Variants in LRRC14 observed in about 807,000 individuals in gnomAD.
LRRC14 encodes leucine-rich repeat-containing protein 14.
In LRRC14, 16 loss-of-function variants were observed where a neutral mutation model predicts 25.3. The observed-to-expected ratio is 0.63, with a 90% CI of 0.43 to 0.96. LRRC14 has a LOEUF of 0.96. Ranked by LOEUF, LRRC14 falls within the 40% of genes least tolerant of loss-of-function variation. The pLI is 0.00. For synonymous variants in LRRC14, 359 were observed against 295.1 expected (o/e 1.22, Z -2.22); for missense variants, 594 against 660.5 (o/e 0.90, Z 1.10).
In LRRC14 at chr8:144,522,950, A is replaced by T; in HGVS notation, c.*1472A>T. 1 of 1,571,518 alleles carries T rather than the reference A, an allele frequency of 6.4e-7. No individual in the cohort carries two copies. Among genetic ancestry groups the T allele is most frequent in the Non-Finnish European group, 8.6e-7 (1 of 1,166,872 alleles). ...CGCGTTGACCAGGAGCCGGAAGGGC[A>T]CGCGGGCAGCGCCGCCGGCGTTGGA... On this transcript the variant is annotated 3_prime_UTR_variant, in exon 4 of 4. Coordinates refer to ENST00000292524, the MANE Select transcript of LRRC14 (RefSeq NM_014665.4).
rs1564823516 is a variant in LRRC14, at chr8:144,522,705, G to A, written c.*1227G>A. On this transcript the variant is annotated 3_prime_UTR_variant, in exon 4 of 4. Transcript: ENST00000292524. ...ACGAACAGCGCTCCCTCCCCCGGAGGCCCCCGCGCCTTTTTTCGCCTGCGG... is the reference window on the plus strand; with the variant it reads ...ACGAACAGCGCTCCCTCCCCCGGAGACCCCCGCGCCTTTTTTCGCCTGCGG... 3.8e-6 allele frequency: 6 copies of A among 1,595,918 alleles called. No individual in the cohort carries two copies. Among genetic ancestry groups the A allele is most frequent in the Non-Finnish European group, 5.1e-6 (6 of 1,172,490 alleles).
At position 144,524,132 on chromosome 8, in the gene LRRC14, A is replaced by ACTGAGCCC; in HGVS notation, c.*2657_*2658insAGCCCCTG. The ACTGAGCCC allele has an allele frequency of 6.2e-7, 1 of 1,604,068 alleles. No individual in the cohort carries two copies. The highest frequency in any genetic ancestry group is 1.1e-5 in the South Asian group (1 of 90,924). On this transcript the variant is annotated 3_prime_UTR_variant, in exon 4 of 4. Transcript: ENST00000292524. ...TACCTGTGAGGCGCAGGACTTGCAGACTGGCCAGGGGCTGCAGGGCCTCTC... is the reference window on the plus strand; with the variant it reads ...TACCTGTGAGGCGCAGGACTTGCAGACTGAGCCCCTGGCCAGGGGCTGCAGGGCCTCTC...
chr8:144,522,758 A>G lies in LRRC14; in HGVS notation c.*1280A>G. 1 of 1,579,560 alleles carries G rather than the reference A, an allele frequency of 6.3e-7. No homozygotes were observed. The highest frequency in any genetic ancestry group is 1.4e-5 in the African/African-American group (1 of 72,824). On this transcript the variant is annotated 3_prime_UTR_variant, in exon 4 of 4. Coordinates refer to ENST00000292524, the MANE Select transcript of LRRC14 (RefSeq NM_014665.4). ...CCGGCGACAGATCATGGCGACCAGGAGCAGCGCCGTGAGCGCCAGCAGCGC... is the reference window on the plus strand; with the variant it reads ...CCGGCGACAGATCATGGCGACCAGGGGCAGCGCCGTGAGCGCCAGCAGCGC...
chr8:144,524,794 C>CG lies in LRRC14; in HGVS notation c.*3317dup. The CG allele has an allele frequency of 6.9e-7, 1 of 1,439,916 alleles. No homozygotes were observed. The highest frequency in any genetic ancestry group is 9.1e-7 in the Non-Finnish European group (1 of 1,101,350). 89.2% of individuals were successfully genotyped at this position (1,439,916 alleles called of 1,614,324 possible). The stretch of plus-strand genomic sequence containing the variant: ...TCTCCCTGGGGGCACCCCGTCCTCC[C>CG]GCAGCTCCACACGGTGCCCACCTGC... On this transcript the variant is annotated 3_prime_UTR_variant, in exon 4 of 4. Transcript: ENST00000292524.
rs1816129392 is a variant in LRRC14, at chr8:144,522,379, A to G, written c.*901A>G. Reference sequence around the variant, plus strand: ...CCGGCTCGCGCCCCACACACGGCTCAGCGCACACTGCGCGGCTTCCACCTT... The same window carrying G: ...CCGGCTCGCGCCCCACACACGGCTCGGCGCACACTGCGCGGCTTCCACCTT... On this transcript the variant is annotated 3_prime_UTR_variant, in exon 4 of 4. Transcript: ENST00000292524. The G allele has an allele frequency of 2.2e-6, 3 of 1,358,576 alleles. No homozygotes were observed. The highest frequency in any genetic ancestry group is 3.9e-5 in the Admixed American group (1 of 25,554). 84.2% of individuals were successfully genotyped at this position (1,358,576 alleles called of 1,614,324 possible). A position where few individuals can be genotyped will look rare whatever the true frequency, so the allele number is the denominator to read the frequency against.
Position 144,522,421 on chromosome 8 carries a change from G to C in LRRC14, c.*943G>C. On this transcript the variant is annotated 3_prime_UTR_variant, in exon 4 of 4. Transcript: ENST00000292524. ...TTCCACCTTTACTGACGGAGCATGC[G>C]CGAGGCCGCACCGGCCAATCTCCGG... The C allele has an allele frequency of 1.5e-6, 2 of 1,376,748 alleles. No individual in the cohort carries two copies. Among genetic ancestry groups the C allele is most frequent in the South Asian group, 3.3e-5 (2 of 60,232 alleles). 85.3% of individuals were successfully genotyped at this position (1,376,748 alleles called of 1,614,324 possible).
rs1554908769 is a variant in LRRC14, at chr8:144,522,517, T to TCCCGG, written c.*1043_*1047dup. The TCCCGG allele has an allele frequency of 6.6e-7, 1 of 1,504,146 alleles. No homozygotes were observed. The highest frequency in any genetic ancestry group is 1.3e-5 in the South Asian group (1 of 79,182). The allele number at this position is 1,504,146 out of a possible 1,614,324, so 93.2% of individuals were successfully genotyped here. A position where few individuals can be genotyped will look rare whatever the true frequency, so the allele number is the denominator to read the frequency against. The stretch of plus-strand genomic sequence containing the variant: ...AGGCGACCGGCGGGGGCACGCGGAG[T>TCCCGG]CCCGGCCCCGCCCCCTGTTCCGGGC... On this transcript the variant is annotated 3_prime_UTR_variant, in exon 4 of 4. Coordinates refer to ENST00000292524, the MANE Select transcript of LRRC14 (RefSeq NM_014665.4).
In LRRC14 at chr8:144,522,381, C is replaced by T. The variant is rs1043482965; in HGVS notation, c.*903C>T. The T allele has an allele frequency of 2.2e-5, 30 of 1,360,388 alleles. No homozygotes were observed. The highest frequency in any genetic ancestry group is 3.9e-5 in the Admixed American group (1 of 25,650). 84.3% of individuals were successfully genotyped at this position (1,360,388 alleles called of 1,614,324 possible). On this transcript the variant is annotated 3_prime_UTR_variant, in exon 4 of 4. Transcript: ENST00000292524. ...GGCTCGCGCCCCACACACGGCTCAG[C>T]GCACACTGCGCGGCTTCCACCTTTA...
intron 1 of LRRC14, chr8:144,519,262 T>A (rs2620652): frequency 0.022 from 4,544 of 202,208 alleles, 198 homozygotes; most frequent in African/African-American, 0.093. Context: ...GCTTGACTCC[T>A]TAGAGTGTCC....
rs769683741 is a variant in LRRC14 at position 144,520,003 on chromosome 8, C to A, written c.278C>A (p.Thr93Asn). Residue 93 changes from threonine to asparagine, a missense_variant, in exon 2 of 4, where the codon ACT becomes AAT. Thr to Asn is a moderately conservative substitution (Grantham distance 65). Coordinates refer to ENST00000292524, the MANE Select transcript of LRRC14 (RefSeq NM_014665.4). The stretch of plus-strand genomic sequence containing the variant: ...ATGCAGGCTGTTATCCTGGGGCTGA[C>A]TGCCCGGCTCCACACCTCAGAGCCT... Reference protein sequence around the residue: ...ESMQAVILGLTARLHTSEPGA... With the variant: ...ESMQAVILGLNARLHTSEPGA... 6 of 1,611,372 alleles carry A rather than the reference C, an allele frequency of 3.7e-6. No homozygotes were observed. The highest frequency in any genetic ancestry group is 4.2e-6 in the Non-Finnish European group (5 of 1,179,926).
chr8:144,519,024 C>A (rs1157807614), intron 1 of LRRC14, among the ~76,000 whole-genome samples: 1 of 152,182 alleles, frequency 6.6e-6, no homozygotes. Flanking sequence ...TGCTTTCTTT[C>A]GGGGTCTCCG....
Position 144,523,645 on chromosome 8 carries a change from C to T in LRRC14, c.*2167C>T, listed in dbSNP as rs1055142630. The T allele has an allele frequency of 1.1e-5, 6 of 525,948 alleles. No individual in the cohort carries two copies. Among genetic ancestry groups the T allele is most frequent in the South Asian group, 5.1e-5 (1 of 19,532 alleles). 32.6% of individuals were successfully genotyped at this position (525,948 alleles called of 1,614,324 possible). A position where few individuals can be genotyped will look rare whatever the true frequency, so the allele number is the denominator to read the frequency against. ...TGCCTGCCTGTTACAGATCACTTCT[C>T]CGTCGGTCTCTGAGAAAGCACCTGC... On this transcript the variant is annotated 3_prime_UTR_variant, in exon 4 of 4. Coordinates refer to ENST00000292524, the MANE Select transcript of LRRC14 (RefSeq NM_014665.4).
At position 144,522,584 on chromosome 8, in the gene LRRC14, G is replaced by A. The variant is rs780147226; in HGVS notation, c.*1106G>A. ...CTCCGCCGGACCCTCGGCGAAGAGC[G>A]GCTTGGAGCGGTTGATGACGAACAT... On this transcript the variant is annotated 3_prime_UTR_variant, in exon 4 of 4. Coordinates refer to ENST00000292524, the MANE Select transcript of LRRC14 (RefSeq NM_014665.4). 10 of 1,558,192 alleles carry A rather than the reference G, an allele frequency of 6.4e-6. No individual in the cohort carries two copies. The East Asian group carries it at 1.5e-4, about 24-fold the overall frequency.
Position 144,524,210 on chromosome 8 carries a change from C to G in LRRC14, c.*2732C>G, listed in dbSNP as rs1385955345. The G allele has an allele frequency of 1.9e-6, 3 of 1,612,500 alleles. No homozygotes were observed. Among genetic ancestry groups the G allele is most frequent in the Non-Finnish European group, 2.5e-6 (3 of 1,179,906 alleles). Reference sequence around the variant, plus strand: ...TGAGGTCCAGCAGTGCTAGGGAGGACAGCCCCGCTAGAGCCTGGTCCTCCA... The same window carrying G: ...TGAGGTCCAGCAGTGCTAGGGAGGAGAGCCCCGCTAGAGCCTGGTCCTCCA... On this transcript the variant is annotated 3_prime_UTR_variant, in exon 4 of 4. Transcript: ENST00000292524.
In LRRC14 at chr8:144,524,476, C is replaced by G. The variant is rs1816274829; in HGVS notation, c.*2998C>G. On this transcript the variant is annotated 3_prime_UTR_variant, in exon 4 of 4. Transcript: ENST00000292524. The stretch of plus-strand genomic sequence containing the variant: ...AAGAAGGTGAAATCCAGCAGCCGCG[C>G]CAGCTGGTTGCCCGCCAGGTAGAGC... 1 of 1,597,846 alleles carries G rather than the reference C, an allele frequency of 6.3e-7. No individual in the cohort carries two copies. The highest frequency in any genetic ancestry group is 1.3e-5 in the African/African-American group (1 of 75,056).
Position 144,524,097 on chromosome 8 carries a change from G to C in LRRC14, c.*2619G>C, listed in dbSNP as rs747462589. ...CGTGGCCCAGACAGAGACGCTTTCC[G>C]AGGAAGAGGTACCTGTGAGGCGCAG... On this transcript the variant is annotated 3_prime_UTR_variant, in exon 4 of 4. Coordinates refer to ENST00000292524, the MANE Select transcript of LRRC14 (RefSeq NM_014665.4). 2 of 1,592,102 alleles carry C rather than the reference G, an allele frequency of 1.3e-6. No individual in the cohort carries two copies. Among genetic ancestry groups the C allele is most frequent in the East Asian group, 2.3e-5 (1 of 44,318 alleles).
At position 144,524,133 on chromosome 8, in the gene LRRC14, C is replaced by A; in HGVS notation, c.*2655C>A. On this transcript the variant is annotated 3_prime_UTR_variant, in exon 4 of 4. Transcript: ENST00000292524. Reference sequence around the variant, plus strand: ...ACCTGTGAGGCGCAGGACTTGCAGACTGGCCAGGGGCTGCAGGGCCTCTCG... The same window carrying A: ...ACCTGTGAGGCGCAGGACTTGCAGAATGGCCAGGGGCTGCAGGGCCTCTCG... 6.2e-7 allele frequency: 1 copy of A among 1,604,220 alleles called. No homozygotes were observed. The highest frequency in any genetic ancestry group is 8.5e-7 in the Non-Finnish European group (1 of 1,173,498).
Position 144,520,576 on chromosome 8 carries a change from G to A in LRRC14, c.668G>A (p.Arg223His), listed in dbSNP as rs1301648699. Residue 223 changes from arginine (R) to histidine (H), a missense_variant, in exon 3 of 4, where the codon CGC becomes CAC. By Grantham distance (29) the Arg-to-His change is conservative. Transcript: ENST00000292524. ...LLQLLDAGCL[R>H]RVDLRFNNLG... ...CAGCTTCTGGATGCAGGCTGCCTGC[G>A]CCGCGTGGACCTGCGCTTCAACAAT... 7 of 1,600,228 alleles carry A rather than the reference G, an allele frequency of 4.4e-6. No homozygotes were observed. Among genetic ancestry groups the A allele is most frequent in the African/African-American group, 1.3e-5 (1 of 74,910 alleles).
At position 144,524,149 on chromosome 8, in the gene LRRC14, G is replaced by A; in HGVS notation, c.*2671G>A. ...ACTTGCAGACTGGCCAGGGGCTGCA[G>A]GGCCTCTCGGCTGATGGTGCCCAGC... On this transcript the variant is annotated 3_prime_UTR_variant, in exon 4 of 4. Transcript: ENST00000292524. 1 of 1,608,720 alleles carries A rather than the reference G, an allele frequency of 6.2e-7. No individual in the cohort carries two copies. The highest frequency in any genetic ancestry group is 8.5e-7 in the Non-Finnish European group (1 of 1,176,974).
Sources: gnomAD v4.1 joint callset for allele counts (sites outside exome capture counted in the v4.1 genomes callset) on GRCh38, gnomAD v4.1.1 for gene constraint, MANE v1.5 for transcripts, NCBI Gene and HGNC (gene_info 2026-07-23, HGNC 2026-07-21) for gene names.